MCTP1: variants seen among roughly 807,000 people sequenced by gnomAD.
The protein encoded by MCTP1 is multiple C2 and transmembrane domain-containing protein 1.
MCTP1 carries 69 observed loss-of-function variants against 120.6 expected under a neutral mutation model. The ratio of observed to expected loss-of-function variants is 0.57; its 90% CI spans 0.47 to 0.70. The LOEUF (loss-of-function observed/expected upper bound fraction) is 0.70. Among genes scored for constraint, MCTP1 ranks in the 30% least tolerant of loss-of-function variants. The probability of loss-of-function intolerance (pLI) is 0.00; values close to 1 mark genes in which losing one functional copy is unlikely to be tolerated. For synonymous variants in MCTP1, 529 were observed against 493.1 expected, an observed-to-expected ratio of 1.07 and a Z score of -0.96; for missense variants, 1,203 against 1,248.8, an observed-to-expected ratio of 0.96 and a Z score of 0.55.
intron 2 of MCTP1, among the ~76,000 whole-genome samples, chr5:94,992,762 C>T (rs948655205): frequency 1.3e-5 from 2 of 152,044 alleles, no homozygotes; most frequent in African/African-American, 4.8e-5. Flanking sequence ...TCTTAATTCA[C>T]CCTGTGTTGG....
chr5:94,807,134 G>T (rs1025367290), intron 17 of MCTP1, among the ~76,000 whole-genome samples: 11 of 152,166 alleles, frequency 7.2e-5, no homozygotes, highest in African/African-American at 2.4e-4. Flanking sequence ...TGTGCCAAAA[G>T]TGCGTATATG....
chr5:94,813,577 AT>A (rs1783881333), intron 17 of MCTP1, among the ~76,000 whole-genome samples: 1 of 152,184 alleles, frequency 6.6e-6, no homozygotes, highest in Admixed American at 6.5e-5. Context: ...CATCTAGTAA[AT>A]TGATAATCAA....
At chr5:95,043,398 G>A (rs1454828011) in intron 1 of MCTP1, among the ~76,000 whole-genome samples, 2 of 151,996 alleles carry the variant, frequency 1.3e-5, no homozygotes, top group African/African-American at 4.8e-5. Flanking sequence ...CTGTCCTCTA[G>A]CTCAGCCAGC....
At chr5:94,954,185 T>TATATATACATATATATATTTATGC (rs1208027735) in intron 2 of MCTP1, among the ~76,000 whole-genome samples, 1 of 125,518 alleles carries the variant, frequency 8.0e-6, no homozygotes, top group Non-Finnish European at 1.6e-5. Context: ...TATATATGCA[T>TATATATACATATATATATTTATGC]ATATATATAT....
chr5:95,044,752 T>G (rs1842894674), intron 1 of MCTP1, among the ~76,000 whole-genome samples: 1 of 151,950 alleles, frequency 6.6e-6, no homozygotes. Context: ...ATCAGAAGTG[T>G]ACCCTTCAAC....
At chr5:94,747,364 G>A (rs1767148097) in intron 19 of MCTP1, among the ~76,000 whole-genome samples, 1 of 152,024 alleles carries the variant, frequency 6.6e-6, no homozygotes, top group African/African-American at 2.4e-5. Context: ...TATTATTTTT[G>A]TTCCCATTTT....
intron 17 of MCTP1, among the ~76,000 whole-genome samples, chr5:94,862,363 C>G (rs1307773886): frequency 2.6e-5 from 4 of 151,742 alleles, no homozygotes; most frequent in African/African-American, 9.7e-5. Flanking sequence ...CTCCAAAGAG[C>G]AGAAAGCCCT....
At chr5:94,877,120 A>C (rs758080544) in intron 12 of MCTP1, among the ~76,000 whole-genome samples, 13 of 152,088 alleles carry the variant, frequency 8.5e-5, no homozygotes, top group Admixed American at 1.3e-4. Context: ...AGACTTTTCC[A>C]GTGGCTATGA....
intron 1 of MCTP1, among the ~76,000 whole-genome samples, chr5:95,115,661 C>T (rs1012464817): frequency 2.0e-5 from 3 of 151,964 alleles, no homozygotes; most frequent in African/African-American, 7.2e-5. Context: ...AAAGGCAAAT[C>T]TAAGAGTTAT....
intron 1 of MCTP1, among the ~76,000 whole-genome samples, chr5:95,231,879 A>T (rs1754989760): frequency 6.6e-6 from 1 of 152,182 alleles, no homozygotes; most frequent in Admixed American, 6.5e-5. Flanking sequence ...ACATGAAGGG[A>T]TATAGTACTT....
At chr5:95,141,090 T>C (rs912905091) in intron 1 of MCTP1, among the ~76,000 whole-genome samples, 6 of 152,104 alleles carry the variant, frequency 3.9e-5, no homozygotes, top group Non-Finnish European at 7.4e-5. Flanking sequence ...CATCTCTCTT[T>C]CCTAAAAACC....
At chr5:94,833,979 T>G (rs1173663423) in intron 17 of MCTP1, among the ~76,000 whole-genome samples, 4 of 152,242 alleles carry the variant, frequency 2.6e-5, no homozygotes. Flanking sequence ...ACTTTTCTGC[T>G]GTCACCAAAC....
chr5:95,163,078 A>C (rs886365343), intron 1 of MCTP1, among the ~76,000 whole-genome samples: 6 of 152,354 alleles, frequency 3.9e-5, no homozygotes, highest in African/African-American at 1.2e-4. Context: ...TCTTCTTTGT[A>C]TATGAATTTA....
chr5:94,924,198 G>A (rs1164732551), intron 6 of MCTP1, among the ~76,000 whole-genome samples, 177 bp from the exon 7 acceptor site: 1 of 151,956 alleles, frequency 6.6e-6, no homozygotes, highest in African/African-American at 2.4e-5. Flanking sequence ...AAATTTTTGT[G>A]GTAGTAAAGT....
intron 1 of MCTP1, among the ~76,000 whole-genome samples, chr5:95,076,303 T>G (rs1214348597): frequency 1.3e-5 from 2 of 152,226 alleles, no homozygotes; most frequent in African/African-American, 4.8e-5. Context: ...TGTACACATT[T>G]GCCATGAACA....
At chr5:95,209,558 T>C (rs1405984483) in intron 1 of MCTP1, among the ~76,000 whole-genome samples, 3 of 152,198 alleles carry the variant, frequency 2.0e-5, no homozygotes, top group Admixed American at 1.3e-4. Flanking sequence ...CATGATCCAG[T>C]CTCAATTTAC....
At chr5:94,801,285 A>G (rs1459003431) in intron 17 of MCTP1, among the ~76,000 whole-genome samples, 1 of 152,234 alleles carries the variant, frequency 6.6e-6, no homozygotes, top group African/African-American at 2.4e-5. Context: ...TAATGGATAA[A>G]TGGACACTGG....
At chr5:94,870,735 G>T in intron 15 of MCTP1, 137 bp downstream of exon 15, 1 of 709,706 alleles carries the variant, frequency 1.4e-6, no homozygotes, top group Non-Finnish European at 2.4e-6. Flanking sequence ...GCCAGGCAGT[G>T]GCAGAAGCGT....
chr5:94,848,773 C>T (rs1793047010), intron 17 of MCTP1, among the ~76,000 whole-genome samples: 1 of 151,512 alleles, frequency 6.6e-6, no homozygotes, highest in African/African-American at 2.4e-5. Context: ...AAATAAAACA[C>T]TTTATTTTAC....
Sources: allele counts gnomAD v4.1 joint callset (sites outside exome capture counted in the v4.1 genomes callset), GRCh38; gene constraint gnomAD v4.1.1; transcripts MANE v1.5; gene names NCBI Gene and HGNC (gene_info 2026-07-23, HGNC 2026-07-21).